ERC2: variants seen among roughly 807,000 people sequenced by gnomAD.
ERC2 encodes the protein ERC protein 2.
A neutral mutation model predicts 114.8 loss-of-function variants in ERC2; 42 were observed. The ratio of observed to expected loss-of-function variants is 0.37; its 90% CI spans 0.29 to 0.47. The LOEUF is 0.47. Ranked by LOEUF, ERC2 falls within the 20% of genes least tolerant of loss-of-function variation. The pLI is 0.99. For missense variants in ERC2, 939 were observed against 1,150.7 expected (o/e 0.82, Z 2.66); for synonymous variants, 454 against 425.5 (o/e 1.07, Z -0.82).
intron 17 of ERC2, among the ~76,000 whole-genome samples, chr3:55,637,321 G>A (rs1051234463): frequency 6.6e-6 from 1 of 152,200 alleles, no homozygotes; most frequent in Non-Finnish European, 1.5e-5. Flanking sequence ...ACACACTGTG[G>A]AATATGGAAA....
intron 13 of ERC2, among the ~76,000 whole-genome samples, chr3:55,941,337 G>A (rs1331457601): frequency 1.3e-5 from 2 of 152,120 alleles, no homozygotes; most frequent in African/African-American, 4.8e-5. Flanking sequence ...GTCTCCAAGT[G>A]CCAGGGATGT....
intron 7 of ERC2, among the ~76,000 whole-genome samples, chr3:56,028,862 G>A (rs2074207417): frequency 1.3e-5 from 2 of 152,140 alleles, no homozygotes; most frequent in South Asian, 4.1e-4. Flanking sequence ...AGTGAGAATA[G>A]GCATCTTTGT....
chr3:55,919,352 C>T (rs185054520), intron 13 of ERC2, among the ~76,000 whole-genome samples: 166 of 152,252 alleles, frequency 1.1e-3, no homozygotes, highest in Non-Finnish European at 2.1e-3. Context: ...GCACTCCAAT[C>T]TAGGCAACAT....
rs34357962 is a variant in ERC2, at chr3:56,229,862, C to CTTTTTTT, written c.1075-56349_1075-56343dup. Among the ~76,000 whole-genome samples the CTTTTTTT allele has an allele frequency of 1.3e-3, 74 of 56,632 alleles. 12 individuals carry two copies. The highest frequency in any genetic ancestry group is 2.1e-3 in the African/African-American group (30 of 14,420). 37.2% of individuals were successfully genotyped at this position (56,632 alleles called of 152,430 possible). ...TTTTCTCCTTTGGCAAATATCTAGT[C>CTTTTTTT]TTTTTTTTTTTTTTTTTTTTTTTTT... On this transcript the variant is annotated intron_variant, in intron 3 of 17. Transcript: ENST00000288221.
chr3:55,556,152 G>A (rs1458559708), intron 17 of ERC2, among the ~76,000 whole-genome samples: 1 of 152,164 alleles, frequency 6.6e-6, no homozygotes, highest in African/African-American at 2.4e-5. Context: ...CAGGACTCAC[G>A]TGACTGCATT....
intron 14 of ERC2, among the ~76,000 whole-genome samples, chr3:55,857,427 CA>C (rs2061838564): frequency 6.6e-6 from 1 of 152,228 alleles, no homozygotes; most frequent in Admixed American, 6.5e-5. Flanking sequence ...AGATGTAACA[CA>C]AAAGTTGTCA....
chr3:56,408,773 G>C (rs1003995332), intron 2 of ERC2, among the ~76,000 whole-genome samples: 3 of 152,238 alleles, frequency 2.0e-5, no homozygotes, highest in Admixed American at 6.5e-5. Context: ...GGAGAGAAGG[G>C]CTCCCCGAGT....
chr3:56,427,453 C>T (rs765991820), intron 2 of ERC2, among the ~76,000 whole-genome samples: 1 of 152,108 alleles, frequency 6.6e-6, no homozygotes, highest in Non-Finnish European at 1.5e-5. Context: ...TGAAAGAGAG[C>T]ATTTCATGTG....
rs371560255 is a variant in ERC2 at position 56,434,429 on chromosome 3, C to T, written c.579G>A (p.Glu193=). Reference sequence around the variant, plus strand: ...CTGCCTCTTCTTTCCTCAAGACTCTCTCCTTCTTAAGCTCAGGACTCCAGA... The same window carrying T: ...CTGCCTCTTCTTTCCTCAAGACTCTTTCCTTCTTAAGCTCAGGACTCCAGA... ...KTFWSPELKK[E]RVLRKEEAAR... is the part of the protein sequence containing the mutation. The change falls in exon 2 of 18, where the codon GAG becomes GAA. Residue 193 remains glutamate, a synonymous_variant. Transcript: ENST00000288221. The T allele has an allele frequency of 4.3e-6, 7 of 1,613,874 alleles. No homozygotes were observed. In the African/African-American group the frequency reaches 9.3e-5, roughly 22 times the overall value.
At chr3:56,109,809 A>G (rs955061735) in intron 6 of ERC2, among the ~76,000 whole-genome samples, 4 of 152,186 alleles carry the variant, frequency 2.6e-5, no homozygotes, top group Non-Finnish European at 1.5e-5. Context: ...ACCAACAACA[A>G]CAAACATCAA....
At chr3:56,213,410 G>A (rs144213477) in intron 3 of ERC2, among the ~76,000 whole-genome samples, 3,261 of 152,278 alleles carry the variant, frequency 0.021, 44 homozygotes, top group Middle Eastern at 0.048. Flanking sequence ...ACGGAGCCTC[G>A]CTCATTGCTA....
At chr3:55,960,995 G>T (rs1385325562) in intron 12 of ERC2, among the ~76,000 whole-genome samples, 1 of 152,250 alleles carries the variant, frequency 6.6e-6, no homozygotes, top group Non-Finnish European at 1.5e-5. Context: ...TTAGCCAGGT[G>T]TGGTGGCAGG....
intron 17 of ERC2, among the ~76,000 whole-genome samples, chr3:55,614,564 C>G (rs1040692406): frequency 1.3e-5 from 2 of 152,180 alleles, no homozygotes; most frequent in East Asian, 1.9e-4. Context: ...AATCCTTTCC[C>G]AATTATATGA....
chr3:55,524,712 C>G (rs1193805428), intron 17 of ERC2, among the ~76,000 whole-genome samples: 1 of 152,126 alleles, frequency 6.6e-6, no homozygotes, highest in African/African-American at 2.4e-5. Flanking sequence ...CTCACTGACT[C>G]ACTTGTGAAC....
At chr3:56,155,375 A>G (rs1340568253) in intron 4 of ERC2, among the ~76,000 whole-genome samples, 1 of 151,926 alleles carries the variant, frequency 6.6e-6, no homozygotes, top group Non-Finnish European at 1.5e-5. Flanking sequence ...AAAAAAAAAA[A>G]AAAAGAAAAT....
chr3:55,976,562 G>T (rs565571829), intron 12 of ERC2, among the ~76,000 whole-genome samples: 1 of 152,218 alleles, frequency 6.6e-6, no homozygotes, highest in South Asian at 2.1e-4. Context: ...GATAAGACAG[G>T]TCCTTTCTAG....
chr3:56,386,968 A>T (rs138452731), intron 2 of ERC2, among the ~76,000 whole-genome samples: 130 of 152,328 alleles, frequency 8.5e-4, no homozygotes, highest in Middle Eastern at 6.8e-3. Context: ...GTTGCCTAGA[A>T]CTACCTGTGA....
At chr3:55,936,846 C>A (rs2066474294) in intron 13 of ERC2, among the ~76,000 whole-genome samples, 1 of 152,222 alleles carries the variant, frequency 6.6e-6, no homozygotes, top group Non-Finnish European at 1.5e-5. Context: ...AGCATCCTAG[C>A]AACATCATCA....
At chr3:55,589,904 T>G (rs1206832525) in intron 17 of ERC2, among the ~76,000 whole-genome samples, 1 of 152,132 alleles carries the variant, frequency 6.6e-6, no homozygotes, top group Non-Finnish European at 1.5e-5. Flanking sequence ...GAAGGCCCTG[T>G]GCAGCACACT....
Sources: allele counts gnomAD v4.1 joint callset (sites outside exome capture counted in the v4.1 genomes callset), GRCh38; gene constraint gnomAD v4.1.1; transcripts MANE v1.5; gene names NCBI Gene and HGNC (gene_info 2026-07-23, HGNC 2026-07-21).